The following OSBPL1A variants were observed in gnomAD, a reference collection of about 807,000 sequenced individuals.
OSBPL1A encodes oxysterol-binding protein-related protein 1.
A neutral mutation model predicts 137.1 loss-of-function variants in OSBPL1A; 80 were observed. That is an observed-to-expected ratio of 0.58 (90% confidence interval 0.49 to 0.70). The LOEUF is 0.70. Ranked by LOEUF, OSBPL1A falls within the 30% of genes least tolerant of loss-of-function variation. The pLI is 0.00. For synonymous variants in OSBPL1A, 365 were observed against 389.7 expected (o/e 0.94, Z 0.75); for missense variants, 970 against 1,129.4 (o/e 0.86, Z 2.02).
In OSBPL1A at chr18:24,189,060, T is replaced by A. The variant is rs78488525; in HGVS notation, c.1677+7065A>T. ...CAGGCAGCTGGAAAAGTTAAACATTTATGCCAAGCAATTCCAGCTAATAGC... is the reference window on the plus strand; with the variant it reads ...CAGGCAGCTGGAAAAGTTAAACATTAATGCCAAGCAATTCCAGCTAATAGC... On this transcript the variant is annotated intron_variant, in intron 18 of 27. Coordinates refer to ENST00000319481, the MANE Select transcript of OSBPL1A (RefSeq NM_080597.4). Among the ~76,000 whole-genome samples the A allele has an allele frequency of 3.0e-3, 454 of 152,350 alleles. 2 individuals are homozygous for A. Among genetic ancestry groups the A allele is most frequent in the South Asian group, 7.0e-3 (34 of 4,830 alleles).
chr18:24,350,058 T>C (rs1421217717), intron 4 of OSBPL1A, among the ~76,000 whole-genome samples: 8 of 152,216 alleles, frequency 5.3e-5, no homozygotes, highest in Admixed American at 4.6e-4. Context: ...ACCCCGAACA[T>C]TTTTTAGCTC....
chr18:24,179,387 A>C (rs2086535705), intron 20 of OSBPL1A: 1 of 238,754 alleles, frequency 4.2e-6, no homozygotes, highest in Admixed American at 5.1e-5. Flanking sequence ...ACATGTATAG[A>C]TATGTAACTA....
At chr18:24,373,906 C>A (rs1240519100) in intron 2 of OSBPL1A, among the ~76,000 whole-genome samples, 1 of 152,062 alleles carries the variant, frequency 6.6e-6, no homozygotes, top group Non-Finnish European at 1.5e-5. Flanking sequence ...TAAAGTCTGA[C>A]TGACAGGTAT....
rs2091004100 is a variant in OSBPL1A, at chr18:24,327,559, G to A, written c.625+5383C>T. Among the ~76,000 whole-genome samples, 4 of 151,936 alleles carry A rather than the reference G, an allele frequency of 2.6e-5. No individual in the cohort carries two copies. In the South Asian group the frequency reaches 6.2e-4, roughly 24 times the overall value. On this transcript the variant is annotated intron_variant, in intron 7 of 27. Transcript: ENST00000319481. ...CAAGTAGCTGGAAGTACAGGCACCT[G>A]CCACCACACCCGGCTAATTTTTATA...
rs978856448 is a variant in OSBPL1A at position 24,393,601 on chromosome 18, C to A, written c.-3+4054G>T. On this transcript the variant is annotated intron_variant, in intron 1 of 27. Coordinates refer to ENST00000319481, the MANE Select transcript of OSBPL1A (RefSeq NM_080597.4). Reference sequence around the variant, plus strand: ...CCAAGTAGCTGGGACTACAGCTGCCCGCCACCACGCCTGGCTAATTTTTTG... The same window carrying A: ...CCAAGTAGCTGGGACTACAGCTGCCAGCCACCACGCCTGGCTAATTTTTTG... Among the ~76,000 whole-genome samples the A allele has an allele frequency of 2.0e-5, 3 of 152,228 alleles. No homozygotes were observed. In the South Asian group the frequency reaches 6.2e-4, roughly 32 times the overall value.
chr18:24,194,840 G>A (rs945812448), intron 18 of OSBPL1A, among the ~76,000 whole-genome samples: 2 of 152,130 alleles, frequency 1.3e-5, no homozygotes, highest in Non-Finnish European at 2.9e-5. Flanking sequence ...CGGGAGAGCG[G>A]GGATTAGATC....
chr18:24,244,896 A>T (rs2088835683), intron 15 of OSBPL1A, among the ~76,000 whole-genome samples: 1 of 152,212 alleles, frequency 6.6e-6, no homozygotes, highest in Admixed American at 6.5e-5. Flanking sequence ...CACAGCACTA[A>T]GTGGGGAATA....
chr18:24,205,867 G>A (rs2087355105), intron 17 of OSBPL1A, among the ~76,000 whole-genome samples: 1 of 152,172 alleles, frequency 6.6e-6, no homozygotes, highest in Admixed American at 6.5e-5. Flanking sequence ...CACCACTTGT[G>A]CTTCTTTTCC....
chr18:24,343,296 A>G (rs901556496), intron 4 of OSBPL1A, among the ~76,000 whole-genome samples: 1 of 152,204 alleles, frequency 6.6e-6, no homozygotes, highest in Non-Finnish European at 1.5e-5. Flanking sequence ...CAAAAGACTC[A>G]GCACAAAACA....
In OSBPL1A at chr18:24,167,036, C is replaced by T. The variant is rs559817180; in HGVS notation, c.2535+293G>A. Among the ~76,000 whole-genome samples, 9 of 152,312 alleles carry T rather than the reference C, an allele frequency of 5.9e-5. 1 individual carries two copies. The South Asian group carries it at 1.9e-3, about 32-fold the overall frequency. On this transcript the variant is annotated intron_variant, in intron 25 of 27. Coordinates refer to ENST00000319481, the MANE Select transcript of OSBPL1A (RefSeq NM_080597.4). ...TGGAGGGCTGGTACTGACTAGGCTG[C>T]ACCAGCTTATATTTAATAAGGACCA...
intron 4 of OSBPL1A, among the ~76,000 whole-genome samples, chr18:24,361,656 CA>C (rs2091622288): frequency 6.6e-6 from 1 of 151,986 alleles, no homozygotes; most frequent in Non-Finnish European, 1.5e-5. Flanking sequence ...CATGGGGACA[CA>C]AAAAACAAGA....
At position 24,293,125 on chromosome 18, in the gene OSBPL1A, A is replaced by AAAAAAAAAAAAAG. The variant is rs200624581; in HGVS notation, c.1174+10511_1174+10512insCTTTTTTTTTTTT. Among the ~76,000 whole-genome samples, 47 of 82,082 alleles carry AAAAAAAAAAAAAG rather than the reference A, an allele frequency of 5.7e-4. 1 individual carries two copies. The highest frequency in any genetic ancestry group is 1.5e-3 in the African/African-American group (38 of 25,070). 53.8% of individuals were successfully genotyped at this position (82,082 alleles called of 152,430 possible). A position where few individuals can be genotyped will look rare whatever the true frequency, so the allele number is the denominator to read the frequency against. On this transcript the variant is annotated intron_variant, in intron 14 of 27. Transcript: ENST00000319481. ...GTCTCAAAAAAAAAAAAAAAAAAAAAAAAGAAAAGAAAAGAAAAAATTAAA... is the reference window on the plus strand; with the variant it reads ...GTCTCAAAAAAAAAAAAAAAAAAAAAAAAAAAAAAAAAGAAAGAAAAGAAAAGAAAAAATTAAA...
chr18:24,237,957 A>G (rs151164442), intron 16 of OSBPL1A, among the ~76,000 whole-genome samples: 3 of 152,038 alleles, frequency 2.0e-5, no homozygotes, highest in Admixed American at 6.6e-5. Flanking sequence ...TCTTTGTCCA[A>G]TTGTTCCCAA....
chr18:24,322,276 A>AT (rs558024959), intron 7 of OSBPL1A, among the ~76,000 whole-genome samples: 43 of 141,222 alleles, frequency 3.0e-4, no homozygotes, highest in African/African-American at 1.0e-3. Context: ...CGCCCGGCTA[A>AT]TTTTTTGTAT....
intron 15 of OSBPL1A, among the ~76,000 whole-genome samples, chr18:24,251,674 A>G (rs549822951): frequency 2.0e-5 from 3 of 152,338 alleles, no homozygotes; most frequent in East Asian, 1.9e-4. Context: ...ACCAAAGAAC[A>G]TCGGCAAGCA....
intron 18 of OSBPL1A, among the ~76,000 whole-genome samples, chr18:24,185,522 C>T (rs1437914668): frequency 2.0e-5 from 3 of 151,950 alleles, no homozygotes; most frequent in East Asian, 1.9e-4. Context: ...GGTTTCACCA[C>T]GTTGGCAAGG....
chr18:24,260,573 T>G (rs1221429835), intron 15 of OSBPL1A, among the ~76,000 whole-genome samples: 1 of 152,150 alleles, frequency 6.6e-6, no homozygotes, highest in Non-Finnish European at 1.5e-5. Flanking sequence ...TATAATTCCA[T>G]TTACACGAAA....
chr18:24,226,966 A>T (rs1451525121), intron 16 of OSBPL1A, among the ~76,000 whole-genome samples: 2 of 138,930 alleles, frequency 1.4e-5, no homozygotes, highest in South Asian at 4.4e-4. Context: ...ATCTCGGCTC[A>T]CTGCAACCTC....
At position 24,341,536 on chromosome 18, in the gene OSBPL1A, A is replaced by G. The variant is rs778489825; in HGVS notation, c.394+11T>C. On this transcript the variant is annotated intron_variant, in intron 5 of 27. Coordinates refer to ENST00000319481, the MANE Select transcript of OSBPL1A (RefSeq NM_080597.4). Reference sequence around the variant, plus strand: ...GTAAATGCTGTTTATGTTCACATCCATGATATTTACCTTCAAGCATGCTTC... The same window carrying G: ...GTAAATGCTGTTTATGTTCACATCCGTGATATTTACCTTCAAGCATGCTTC... 13 of 1,594,738 alleles carry G rather than the reference A, an allele frequency of 8.2e-6. No homozygotes were observed. The African/African-American group carries it at 1.2e-4, about 15-fold the overall frequency.
Sources: gnomAD v4.1 joint callset for allele counts (sites outside exome capture counted in the v4.1 genomes callset) on GRCh38, gnomAD v4.1.1 for gene constraint, MANE v1.5 for transcripts, NCBI Gene and HGNC (gene_info 2026-07-23, HGNC 2026-07-21) for gene names.